Variants in FRMD3 observed in about 807,000 individuals in gnomAD.
FRMD3 encodes the protein FERM domain containing 3.
In FRMD3, 33 loss-of-function variants were observed where a neutral mutation model predicts 70.2. The observed-to-expected ratio is 0.47, with a 90% CI of 0.36 to 0.63. FRMD3 has a LOEUF of 0.63. FRMD3 is among the 20% of genes least tolerant of loss of function. The pLI is 0.00. For missense variants in FRMD3, 632 were observed against 711.4 expected, an observed-to-expected ratio of 0.89 and a Z score of 1.27; for synonymous variants, 279 against 255.9, an observed-to-expected ratio of 1.09 and a Z score of -0.86.
At chr9:83,573,479 C>T in the FRMD3 span, among the ~76,000 whole-genome samples, 1 of 152,052 alleles carries the variant, frequency 6.6e-6, no homozygotes, top group African/African-American at 2.4e-5. Flanking sequence ...TTAAGTTAAG[C>T]AAAGCAGGAC....
Position 83,245,300 on chromosome 9 carries a change from C to G in FRMD3, c.*2618G>C, listed in dbSNP as rs1376620220. 1.0e-6 allele frequency: 1 copy of G among 985,310 alleles called. No individual in the cohort carries two copies. The highest frequency in any genetic ancestry group is 1.7e-5 in the African/African-American group (1 of 57,232). The allele number at this position is 985,310 out of a possible 1,614,324, so 61.0% of individuals were successfully genotyped here. ...ATAATATACTGTCCATCTCTGGAAGCAGGCTTTTCCTCATTCGATTCAGGC... is the reference window on the plus strand; with the variant it reads ...ATAATATACTGTCCATCTCTGGAAGGAGGCTTTTCCTCATTCGATTCAGGC... On this transcript the variant is annotated 3_prime_UTR_variant, in exon 14 of 14. Transcript: ENST00000304195.
At chr9:83,251,132 C>T (rs1563973362) in intron 13 of FRMD3, among the ~76,000 whole-genome samples, 1 of 152,172 alleles carries the variant, frequency 6.6e-6, no homozygotes. Context: ...GTCAGTACAC[C>T]CCTGGGATGG....
intron 6 of FRMD3, among the ~76,000 whole-genome samples, chr9:83,329,497 T>C (rs1040296474): frequency 2.6e-5 from 4 of 152,166 alleles, no homozygotes; most frequent in African/African-American, 9.7e-5. Context: ...GAAGCAAAGG[T>C]AGAGGATATT....
intron 1 of FRMD3, among the ~76,000 whole-genome samples, chr9:83,503,756 C>T (rs1400228765): frequency 6.6e-6 from 1 of 152,116 alleles, no homozygotes; most frequent in East Asian, 1.9e-4. Flanking sequence ...ATCAGAAGGG[C>T]CAACACTCCA....
intron 13 of FRMD3, among the ~76,000 whole-genome samples, chr9:83,252,106 T>C (rs1434117591): frequency 1.3e-5 from 2 of 151,976 alleles, no homozygotes; most frequent in Non-Finnish European, 2.9e-5. Context: ...AAAGAAGAAA[T>C]GTTAAGGGCA....
At chr9:83,576,360 C>T in the FRMD3 span, among the ~76,000 whole-genome samples, 1 of 151,656 alleles carries the variant, frequency 6.6e-6, no homozygotes, top group Non-Finnish European at 1.5e-5. Flanking sequence ...GGTAAAACTA[C>T]TCAGGAAACC....
At chr9:83,576,051 A>T in the FRMD3 span, among the ~76,000 whole-genome samples, 4 of 152,108 alleles carry the variant, frequency 2.6e-5, no homozygotes, top group Non-Finnish European at 5.9e-5. Context: ...CTACAAAAAA[A>T]AAATAAAAAA....
chr9:83,498,402 T>C (rs1274258627), intron 1 of FRMD3, among the ~76,000 whole-genome samples: 5 of 152,162 alleles, frequency 3.3e-5, no homozygotes, highest in African/African-American at 4.8e-5. Context: ...TAGAAGATAA[T>C]AGGCCAAAGG....
chr9:83,345,789 T>C (rs1823938241), intron 4 of FRMD3, among the ~76,000 whole-genome samples: 1 of 151,420 alleles, frequency 6.6e-6, no homozygotes, highest in Non-Finnish European at 1.5e-5. Flanking sequence ...AATTAATTAA[T>C]TAATTAAGTT....
At chr9:83,424,930 T>C (rs10217746) in intron 1 of FRMD3, among the ~76,000 whole-genome samples, 22,589 of 152,202 alleles carry the variant, frequency 0.15, 2,369 homozygotes, top group African/African-American at 0.29. Flanking sequence ...ATACTGGTTT[T>C]ATTGTCCTGC....
chr9:83,339,555 G>C (rs1225383094), intron 5 of FRMD3, among the ~76,000 whole-genome samples: 1 of 152,176 alleles, frequency 6.6e-6, no homozygotes, highest in African/African-American at 2.4e-5. Flanking sequence ...GCTTTCCCCT[G>C]GTTTGGAAAG....
intron 1 of FRMD3, among the ~76,000 whole-genome samples, chr9:83,490,782 TC>T (rs1564102014): frequency 7.9e-6 from 1 of 127,068 alleles, no homozygotes; most frequent in Non-Finnish European, 1.6e-5. Flanking sequence ...TCTCTCTCTC[TC>T]TCTCTCTCTC....
At chr9:83,536,895 T>A (rs1193707798) in intron 1 of FRMD3, among the ~76,000 whole-genome samples, 1 of 111,064 alleles carries the variant, frequency 9.0e-6, no homozygotes, top group Non-Finnish European at 1.7e-5. Context: ...CCCACTCACC[T>A]CCCACTGACA....
In FRMD3 at chr9:83,290,675, T is replaced by C. The variant is rs1465695222; in HGVS notation, c.1123A>G (p.Ile375Val). The change falls in exon 13 of 14, where the codon ATT (isoleucine) becomes GTT (valine). Residue 375 changes from isoleucine (I) to valine (V), a missense_variant. Around this residue, in one of 3 missense-constraint regions of FRMD3, gnomAD observed 418 missense variants for 442.1 expected, o/e 0.95. Coordinates refer to ENST00000304195, the MANE Select transcript of FRMD3 (RefSeq NM_174938.6). ...AGGGGCTGCAGGGGTTCCATGTTAA[T>C]GATGAGCTGTTTGTTCAAGGAGTGG... Reference protein sequence around the residue: ...SSHSLNKQLIINMEPLQPLLP... With the variant: ...SSHSLNKQLIVNMEPLQPLLP... 8.1e-6 allele frequency: 13 copies of C among 1,613,954 alleles called. No homozygotes were observed. The highest frequency in any genetic ancestry group is 1.1e-5 in the South Asian group (1 of 91,058).
In FRMD3 at chr9:83,538,327, G is replaced by A; in HGVS notation, c.-96C>T. The A allele has an allele frequency of 8.1e-7, 1 of 1,231,160 alleles. No homozygotes were observed. The highest frequency in any genetic ancestry group is 1.1e-6 in the Non-Finnish European group (1 of 941,926). 76.3% of individuals were successfully genotyped at this position (1,231,160 alleles called of 1,614,324 possible). A position where few individuals can be genotyped will look rare whatever the true frequency, so the allele number is the denominator to read the frequency against. Reference sequence around the variant, plus strand: ...CTCGCACGCACTGTCCGGGACACCTGGGCGCGGCTCAGCCCCGGGACATCG... The same window carrying A: ...CTCGCACGCACTGTCCGGGACACCTAGGCGCGGCTCAGCCCCGGGACATCG... On this transcript the variant is annotated 5_prime_UTR_variant, in exon 1 of 14. Coordinates refer to ENST00000304195, the MANE Select transcript of FRMD3 (RefSeq NM_174938.6). This position sits in a 1 kb window ranked among gnomAD's most constrained non-coding sequence, Gnocchi z 4.7.
intron 13 of FRMD3, among the ~76,000 whole-genome samples, chr9:83,278,765 C>T (rs890171194): frequency 6.6e-6 from 1 of 152,096 alleles, no homozygotes; most frequent in African/African-American, 2.4e-5. Flanking sequence ...CTGTCAAGGT[C>T]CTGAGGGAGC....
rs550748815 is a variant in FRMD3, at chr9:83,321,459, G to A, written c.597-7712C>T. Among the ~76,000 whole-genome samples the A allele has an allele frequency of 7.8e-4, 118 of 152,166 alleles. 1 individual carries two copies. Among genetic ancestry groups the A allele is most frequent in the Non-Finnish European group, 1.5e-3 (103 of 68,000 alleles). The stretch of plus-strand genomic sequence containing the variant: ...TCCAGTGATCATTCAGGAGCATGCC[G>A]TTTAATTTATATGTATTGTACAGTT... On this transcript the variant is annotated intron_variant, in intron 6 of 13. Transcript: ENST00000304195.
chr9:83,259,530 T>C (rs1200918779), intron 13 of FRMD3, among the ~76,000 whole-genome samples: 3 of 152,186 alleles, frequency 2.0e-5, no homozygotes, highest in Non-Finnish European at 4.4e-5. Context: ...AGAAAAACCT[T>C]TGGAAATTCT....
intron 1 of FRMD3, among the ~76,000 whole-genome samples, chr9:83,393,129 T>C (rs1436322684): frequency 1.3e-5 from 2 of 152,234 alleles, no homozygotes; most frequent in African/African-American, 2.4e-5. Flanking sequence ...TAAATGAGGT[T>C]GTATGGTCTC....
Sources: allele counts gnomAD v4.1 joint callset (sites outside exome capture counted in the v4.1 genomes callset), GRCh38; gene constraint gnomAD v4.1.1; regional missense constraint gnomAD v4.1.1; non-coding constraint Gnocchi (gnomAD v3.1); transcripts MANE v1.5; gene names NCBI Gene and HGNC (gene_info 2026-07-23, HGNC 2026-07-21).